The following P4HA2 variants were observed in gnomAD, a reference collection of about 807,000 sequenced individuals.
P4HA2 encodes the protein prolyl 4-hydroxylase subunit alpha 2, also known as prolyl 4-hydroxylase subunit alpha-2.
A neutral mutation model predicts 76.9 loss-of-function variants in P4HA2; 46 were observed. The observed-to-expected ratio is 0.60, with a 90% CI of 0.47 to 0.76. The LOEUF (loss-of-function observed/expected upper bound fraction) is 0.76. Ranked by LOEUF, P4HA2 falls within the 30% of genes least tolerant of loss-of-function variation. The probability of loss-of-function intolerance (pLI) is 0.00; values close to 1 mark genes in which losing one functional copy is unlikely to be tolerated. For synonymous variants in P4HA2, 243 were observed against 254.0 expected, an observed-to-expected ratio of 0.96 and a Z score of 0.41; for missense variants, 583 against 669.4, an observed-to-expected ratio of 0.87 and a Z score of 1.42.
At position 132,195,458 on chromosome 5, in the gene P4HA2, C is replaced by T. The variant is rs765007215; in HGVS notation, c.1388G>A (p.Gly463Asp). 1 of 1,613,214 alleles carries T rather than the reference C, an allele frequency of 6.2e-7. No individual in the cohort carries two copies. ...CCCCAGATCAGGGAAGACGGTGGCA[C>T]CACCAGCTTCTACATCACTCATCTG... ...LNYMSDVEAG[G>D]ATVFPDLGAA... The change falls in exon 13 of 15, where the codon GGT becomes GAT. Residue 463 changes from glycine (G) to aspartate (D), a missense_variant. Coordinates refer to ENST00000360568, the MANE Select transcript of P4HA2 (RefSeq NM_001017974.2).
chr5:132,225,065 A>AC (rs1297908932), intron 1 of P4HA2, among the ~76,000 whole-genome samples: 8 of 151,916 alleles, frequency 5.3e-5, no homozygotes, highest in Non-Finnish European at 7.4e-5. Context: ...AAAAAAAAAA[A>AC]AAAACTGTCT....
chr5:132,206,139 CT>C (rs774201964), intron 8 of P4HA2, among the ~76,000 whole-genome samples: 92 of 152,272 alleles, frequency 6.0e-4, no homozygotes, highest in Non-Finnish European at 1.1e-3. Flanking sequence ...TAACACTACC[CT>C]CTGGCCAGCC....
At chr5:132,215,375 G>A (rs1753683344) in intron 4 of P4HA2, among the ~76,000 whole-genome samples, 1 of 152,222 alleles carries the variant, frequency 6.6e-6, no homozygotes, top group Non-Finnish European at 1.5e-5. Context: ...AGTGTAGGGT[G>A]TGGAGAACAA....
intron 6 of P4HA2, 71 bp from the exon 7 acceptor site, chr5:132,209,402 C>A: frequency 7.9e-7 from 1 of 1,259,920 alleles, no homozygotes; most frequent in South Asian, 1.3e-5. Context: ...AGAAATTATT[C>A]TGTAAGGGTT....
Position 132,203,748 on chromosome 5 carries a change from C to G in P4HA2, c.1251G>C (p.Gln417His). 6.3e-7 allele frequency: 1 copy of G among 1,583,432 alleles called. No homozygotes were observed. Among genetic ancestry groups the G allele is most frequent in the Non-Finnish European group, 8.7e-7 (1 of 1,151,898 alleles). The change falls in exon 10 of 15, where the codon CAG (glutamine) becomes CAC (histidine). Residue 417 changes from glutamine (Q) to histidine (H), a missense_variant and splice_region_variant. By Grantham distance (24) the Gln-to-His change is conservative (BLOSUM62 0). Transcript: ENST00000360568. ...GLTVKTAELL[Q>H]VANYGVGGQY... ...CTACAGTCCCAGGTACTATCTGTAC[C>G]TGTAACAATTCTGCAGTCTTTACTG...
rs181139539 is a variant in P4HA2 at position 132,201,550 on chromosome 5, C to T, written c.1251+2198G>A. ...TTCCCCAGACCATGAAGGATCAAAG[C>T]CTTCAATACCACTGACTGGCAAAGG... On this transcript the variant is annotated intron_variant, in intron 10 of 14. Coordinates refer to ENST00000360568, the MANE Select transcript of P4HA2 (RefSeq NM_001017974.2). 4 of 152,304 alleles carry T rather than the reference C, an allele frequency of 2.6e-5. No individual in the cohort carries two copies. In the East Asian group the frequency reaches 7.7e-4, roughly 29 times the overall value. 9.4% of individuals were successfully genotyped at this position (152,304 alleles called of 1,614,324 possible). A position where few individuals can be genotyped will look rare whatever the true frequency, so the allele number is the denominator to read the frequency against.
chr5:132,193,761 A>G (rs540060460), intron 14 of P4HA2, among the ~76,000 whole-genome samples: 9 of 152,174 alleles, frequency 5.9e-5, no homozygotes, highest in African/African-American at 2.2e-4. Context: ...CTATCACCCC[A>G]CGCCATATCT....
chr5:132,205,956 A>G (rs1207328796), intron 8 of P4HA2, among the ~76,000 whole-genome samples: 1 of 152,182 alleles, frequency 6.6e-6, no homozygotes, highest in Non-Finnish European at 1.5e-5. Context: ...CATTCCCCAC[A>G]GGCCAAGTTA....
chr5:132,220,354 T>C (rs762642946), intron 1 of P4HA2, among the ~76,000 whole-genome samples: 2 of 152,222 alleles, frequency 1.3e-5, no homozygotes, highest in East Asian at 1.9e-4. Flanking sequence ...TCTGTATGTA[T>C]GTAGGGAGGG....
At chr5:132,195,606 G>A in intron 12 of P4HA2, 126 bp from the exon 13 acceptor site, 1 of 722,268 alleles carries the variant, frequency 1.4e-6, no homozygotes, top group Non-Finnish European at 2.5e-6. Flanking sequence ...CTTGGTGTCT[G>A]CTCCATGGCC....
Position 132,225,778 on chromosome 5 carries a change from T to C in P4HA2, c.-19+2012A>G, listed in dbSNP as rs183438169. Among the ~76,000 whole-genome samples the C allele has an allele frequency of 9.8e-4, 150 of 152,306 alleles. 1 individual carries two copies. The highest frequency in any genetic ancestry group is 3.4e-3 in the African/African-American group (143 of 41,564). ...GTAAGCACTGTCTAGAGTACCCCAA[T>C]GCAGAGCTTTCGACAGGATACAAGG... is the stretch of plus-strand genomic sequence containing the variant. On this transcript the variant is annotated intron_variant, in intron 1 of 14. Coordinates refer to ENST00000360568, the MANE Select transcript of P4HA2 (RefSeq NM_001017974.2).
chr5:132,217,329 C>A lies in P4HA2; in HGVS notation c.199G>T (p.Ala67Ser). The A allele has an allele frequency of 2.5e-6, 4 of 1,614,170 alleles. No homozygotes were observed. Among genetic ancestry groups the A allele is most frequent in the Non-Finnish European group, 3.4e-6 (4 of 1,180,000 alleles). The change falls in exon 4 of 15, where the codon GCC becomes TCC. Residue 67 changes from alanine to serine, a missense_variant. Ala to Ser is a moderately conservative substitution (Grantham distance 99). Coordinates refer to ENST00000360568, the MANE Select transcript of P4HA2 (RefSeq NM_001017974.2). Reference protein sequence around the residue: ...KIKSWANKMEALTSKSAADAE... With the variant: ...KIKSWANKMESLTSKSAADAE... ...TCAGCAGCTGACTTGCTAGTCAAGGCTTCCATTTTGTTGGCCCAGCTGTGG... is the reference window on the plus strand; with the variant it reads ...TCAGCAGCTGACTTGCTAGTCAAGGATTCCATTTTGTTGGCCCAGCTGTGG...
intron 7 of P4HA2, 48 bp downstream of exon 7, chr5:132,209,090 G>C (rs1354008321): frequency 1.4e-6 from 2 of 1,419,230 alleles, no homozygotes; most frequent in African/African-American, 1.4e-5. Flanking sequence ...CCCAGAGCCA[G>C]AGTCCAGGTC....
At chr5:132,197,099 G>A (rs1336310003) in intron 12 of P4HA2, among the ~76,000 whole-genome samples, 1 of 152,162 alleles carries the variant, frequency 6.6e-6, no homozygotes, top group Non-Finnish European at 1.5e-5. Context: ...TCTCAGCAGA[G>A]GGGAGAGGAA....
chr5:132,197,084 C>A (rs962110554), intron 12 of P4HA2, among the ~76,000 whole-genome samples: 14 of 152,178 alleles, frequency 9.2e-5, no homozygotes, highest in Non-Finnish European at 1.9e-4. Flanking sequence ...CTCTTTAGAG[C>A]TGGCTCTCAG....
At chr5:132,214,550 T>C (rs1753587571) in intron 4 of P4HA2, among the ~76,000 whole-genome samples, 1 of 151,994 alleles carries the variant, frequency 6.6e-6, no homozygotes, top group Non-Finnish European at 1.5e-5. Flanking sequence ...CAAGGGACAA[T>C]GACAGTTAAC....
At chr5:132,201,368 G>A (rs1372066802) in intron 10 of P4HA2, 1 of 152,196 alleles carries the variant, frequency 6.6e-6, no homozygotes, top group Non-Finnish European at 1.5e-5. Context: ...CTGAAAGAAT[G>A]TCAACAGATA....
At chr5:132,208,123 C>T (rs1294740930) in intron 7 of P4HA2, among the ~76,000 whole-genome samples, 1 of 151,188 alleles carries the variant, frequency 6.6e-6, no homozygotes, top group African/African-American at 2.4e-5. Flanking sequence ...GCCTAGATGA[C>T]ATAGACCTGT....
rs764954173 is a variant in P4HA2, at chr5:132,210,469, G to A, written c.524C>T (p.Ser175Leu). The change falls in exon 6 of 15, where the codon TCG becomes TTG. Residue 175 changes from serine to leucine, a missense_variant. Ser to Leu is a moderately radical substitution (Grantham distance 145). Coordinates refer to ENST00000360568, the MANE Select transcript of P4HA2 (RefSeq NM_001017974.2). ...SVDDCFGMGR[S>L]AYNEGDYYHT... ...ATAATAGTCCCCTTCATTGTAGGCC[G>A]AGCGGCCCATCCCAAAGCAGTCATC... is the stretch of plus-strand genomic sequence containing the variant. 21 of 1,613,872 alleles carry A rather than the reference G, an allele frequency of 1.3e-5. No individual in the cohort carries two copies. Among genetic ancestry groups the A allele is most frequent in the Admixed American group, 3.3e-5 (2 of 60,004 alleles).
Sources: gnomAD v4.1 joint callset for allele counts (sites outside exome capture counted in the v4.1 genomes callset) on GRCh38, gnomAD v4.1.1 for gene constraint, MANE v1.5 for transcripts, NCBI Gene and HGNC (gene_info 2026-07-23, HGNC 2026-07-21) for gene names.